FBXO6: variants seen among roughly 807,000 people sequenced by gnomAD.
FBXO6 encodes the protein F-box only protein 6.
Under a neutral mutation model 25.0 loss-of-function variants are expected in FBXO6, and 13 were observed. That is an observed-to-expected ratio of 0.52 (90% CI 0.34 to 0.83). The LOEUF (loss-of-function observed/expected upper bound fraction) is 0.83. Ranked by LOEUF, FBXO6 falls within the 40% of genes least tolerant of loss-of-function variation. The pLI is 0.02. For missense variants in FBXO6, 370 were observed against 380.2 expected (o/e 0.97, Z 0.22); for synonymous variants, 138 against 155.3 (o/e 0.89, Z 0.83).
intron 4 of FBXO6, 60 bp downstream of exon 4, chr1:11,672,083 T>A: frequency 6.9e-7 from 1 of 1,456,646 alleles, no homozygotes; most frequent in Non-Finnish European, 9.6e-7. Context: ...CTGCGCTGCA[T>A]GTACGTGAGA....
rs1640693959 is a variant in FBXO6 at position 11,673,697 on chromosome 1, C to A, written c.728C>A (p.Ala243Glu). The A allele has an allele frequency of 6.2e-7, 1 of 1,614,118 alleles. No individual in the cohort carries two copies. Among genetic ancestry groups the A allele is most frequent in the South Asian group, 1.1e-5 (1 of 91,082 alleles). ...QHGGRDTQYWAGWYGPRVTNS... is the reference protein window; with the variant it reads ...QHGGRDTQYWEGWYGPRVTNS... ...GGGGGCAGGGACACCCAGTACTGGG[C>A]AGGCTGGTATGGGCCCCGAGTCACC... Residue 243 changes from alanine to glutamate, a missense_variant, in exon 6 of 6, where the codon GCA becomes GAA. By Grantham distance (107) the Ala-to-Glu change is moderately radical. Coordinates refer to ENST00000376753, the MANE Select transcript of FBXO6 (RefSeq NM_018438.6). This position sits in a 1 kb window ranked among gnomAD's most constrained non-coding sequence, Gnocchi z 4.3.
chr1:11,665,014 T>C (rs947105521), intron 1 of FBXO6, among the ~76,000 whole-genome samples: 1 of 151,674 alleles, frequency 6.6e-6, no homozygotes. Flanking sequence ...TCGTCTAGAG[T>C]CTAGACAGTG....
Position 11,673,768 on chromosome 1 carries a change from T to G in FBXO6, c.799T>G (p.Ser267Ala). 6 of 1,613,906 alleles carry G rather than the reference T, an allele frequency of 3.7e-6. No homozygotes were observed. Among genetic ancestry groups the G allele is most frequent in the Non-Finnish European group, 4.2e-6 (5 of 1,179,988 alleles). The change falls in exon 6 of 6, where the codon TCC becomes GCC. Residue 267 changes from serine (S) to alanine (A), a missense_variant. Transcript: ENST00000376753. The surrounding 1 kb of genome is among the most constrained non-coding windows in gnomAD (Gnocchi z 4.3). The stretch of plus-strand genomic sequence containing the variant: ...CCCCAAGATGACCAGGAACCAGGCC[T>G]CCTCCGAGGCTCAGCCTGGGCAGAA... ...VSPKMTRNQA[S>A]SEAQPGQKHG... is the part of the protein sequence containing the mutation.
rs1640615451 is a variant in FBXO6, at chr1:11,671,515, C to T, written c.413+123C>T. 5 of 1,369,258 alleles carry T rather than the reference C, an allele frequency of 3.7e-6. No individual in the cohort carries two copies. The South Asian group carries it at 4.1e-5, about 11-fold the overall frequency. 84.8% of individuals were successfully genotyped at this position (1,369,258 alleles called of 1,614,324 possible). A position where few individuals can be genotyped will look rare whatever the true frequency, so the allele number is the denominator to read the frequency against. On this transcript the variant is annotated intron_variant, in intron 3 of 5. Transcript: ENST00000376753. Reference sequence around the variant, plus strand: ...TCTGCGAAGCTCGAGGGAGGTGGCCCCAAAACTTGCCCAGAGTCACTGCTT... The same window carrying T: ...TCTGCGAAGCTCGAGGGAGGTGGCCTCAAAACTTGCCCAGAGTCACTGCTT...
intron 2 of FBXO6, among the ~76,000 whole-genome samples, chr1:11,670,253 C>T (rs1008153282): frequency 5.3e-5 from 8 of 151,016 alleles, no homozygotes; most frequent in Non-Finnish European, 7.4e-5. Context: ...GCCTGGGCAG[C>T]GCCAGTAGAG....
chr1:11,668,429 G>C (rs1425742418), intron 1 of FBXO6, among the ~76,000 whole-genome samples: 1 of 145,212 alleles, frequency 6.9e-6, no homozygotes, highest in South Asian at 2.1e-4. Flanking sequence ...CCAGAGTCTT[G>C]CTTGGTTGCC....
Position 11,673,570 on chromosome 1 carries a change from C to G in FBXO6, c.646-45C>G. The G allele has an allele frequency of 6.3e-7, 1 of 1,590,678 alleles. No individual in the cohort carries two copies. The highest frequency in any genetic ancestry group is 8.6e-7 in the Non-Finnish European group (1 of 1,162,866). On this transcript the variant is annotated intron_variant, in intron 5 of 5. Transcript: ENST00000376753. The surrounding 1 kb of genome is among the most constrained non-coding windows in gnomAD (Gnocchi z 4.3). The stretch of plus-strand genomic sequence containing the variant: ...TTAGAGGACCTGGCTCCTGCCTTCC[C>G]CTCCCCCGTCCCGGTGGTCACTTCC...
At chr1:11,671,512 G>A (rs1339761719) in intron 3 of FBXO6, 120 bp downstream of exon 3, 24 of 1,427,946 alleles carry the variant, frequency 1.7e-5, no homozygotes, top group Non-Finnish European at 2.2e-5. Context: ...GAGGGAGGTG[G>A]CCCCAAAACT....
chr1:11,664,526 T>TG (rs3831950), intron 1 of FBXO6: 79,042 of 135,220 alleles, frequency 0.58, 21,540 homozygotes, highest in African/African-American at 0.7. Context: ...CGGCCAGGGG[T>TG]GGGGGGCGCG....
chr1:11,670,849 TG>T (rs1397909849), intron 2 of FBXO6, among the ~76,000 whole-genome samples: 5 of 152,218 alleles, frequency 3.3e-5, no homozygotes, highest in Non-Finnish European at 7.4e-5. Flanking sequence ...CACCGCAACA[TG>T]GAAGTGAGGA....
chr1:11,671,390 C>T lies in FBXO6; in HGVS notation c.411C>T (p.Tyr137=), dbSNP rs147161380. Residue 137 remains tyrosine, a splice_region_variant and synonymous_variant, in exon 3 of 6, where the codon TAC becomes TAT. Transcript: ENST00000376753. The part of the protein sequence containing the change: ...PKVKKYFVTS[Y]EMCLKSQLVD... The stretch of plus-strand genomic sequence containing the variant: ...TCAAGAAGTATTTTGTCACATCCTA[C>T]GAGTAAGGCAAACTGAACCTACCAG... The T allele has an allele frequency of 2.3e-4, 369 of 1,613,404 alleles. No homozygotes were observed. Among genetic ancestry groups the T allele is most frequent in the Non-Finnish European group, 2.8e-4 (336 of 1,179,510 alleles).
intron 2 of FBXO6, among the ~76,000 whole-genome samples, chr1:11,670,366 A>G (rs1299457288): frequency 2.0e-5 from 3 of 152,010 alleles, no homozygotes; most frequent in African/African-American, 7.2e-5. Context: ...CATGAATGTT[A>G]CCACAGCGCC....
chr1:11,669,663 C>CATGTATATATAT (rs138727441), intron 2 of FBXO6, among the ~76,000 whole-genome samples: 1 of 124,624 alleles, frequency 8.0e-6, no homozygotes, highest in East Asian at 2.3e-4. Context: ...TACATATACA[C>CATGTATATATAT]ATGTATATAT....
At position 11,673,695 on chromosome 1, in the gene FBXO6, G is replaced by A; in HGVS notation, c.726G>A (p.Trp242Ter). The change falls in exon 6 of 6, where the codon TGG (tryptophan) becomes TGA (stop). Residue 242 changes from tryptophan (W) to a stop codon, truncating the protein, a stop_gained. Transcript: ENST00000376753. LOFTEE classifies it low-confidence loss of function (END_TRUNC). The surrounding 1 kb of genome is among the most constrained non-coding windows in gnomAD (Gnocchi z 4.3). ...FQHGGRDTQY[W>*]AGWYGPRVTN... ...ATGGGGGCAGGGACACCCAGTACTG[G>A]GCAGGCTGGTATGGGCCCCGAGTCA... 1.2e-5 allele frequency: 20 copies of A among 1,614,088 alleles called. No individual in the cohort carries two copies. The highest frequency in any genetic ancestry group is 1.6e-5 in the Non-Finnish European group (19 of 1,180,030).
At chr1:11,669,089 G>A in intron 2 of FBXO6, 145 bp downstream of exon 2, 2 of 1,167,858 alleles carry the variant, frequency 1.7e-6, no homozygotes, top group Non-Finnish European at 2.4e-6. Flanking sequence ...CATTCTTCAG[G>A]TCTCAGTTCA....
intron 3 of FBXO6, 59 bp from the exon 4 acceptor site, chr1:11,671,869 G>T: frequency 6.9e-7 from 1 of 1,439,938 alleles, no homozygotes; most frequent in South Asian, 1.2e-5. Context: ...AGGCCTGGGT[G>T]AGGGGGGGGG....
intron 2 of FBXO6, among the ~76,000 whole-genome samples, chr1:11,669,663 C>CATCTATAT (rs1553167066): frequency 8.0e-6 from 1 of 124,624 alleles, no homozygotes; most frequent in Non-Finnish European, 1.6e-5. Context: ...TACATATACA[C>CATCTATAT]ATGTATATAT....
Position 11,673,295 on chromosome 1 carries a change from C to A in FBXO6, c.528C>A (p.Asp176Glu), listed in dbSNP as rs1557675601. The change falls in exon 5 of 6, where the codon GAC (aspartate) becomes GAA (glutamate). Residue 176 changes from aspartate to glutamate, a missense_variant. Transcript: ENST00000376753. The surrounding 1 kb of genome is among the most constrained non-coding windows in gnomAD (Gnocchi z 4.3). The part of the protein sequence containing the change: ...VVKDWFAARA[D>E]CGCTYQLKVQ... ...CCACCAGGTTTGCTGCCAGAGCCGA[C>A]TGTGGCTGCACCTACCAACTCAAAG... is the stretch of plus-strand genomic sequence containing the variant. 6.2e-7 allele frequency: 1 copy of A among 1,613,664 alleles called. No individual in the cohort carries two copies. The highest frequency in any genetic ancestry group is 1.7e-4 in the Middle Eastern group (1 of 6,060).
chr1:11,666,890 G>A (rs1453848610), intron 1 of FBXO6, among the ~76,000 whole-genome samples: 2 of 152,078 alleles, frequency 1.3e-5, no homozygotes, highest in African/African-American at 4.8e-5. Context: ...GCTCACACCT[G>A]TAATCCCAGA....
Sources: gnomAD v4.1 joint callset for allele counts (sites outside exome capture counted in the v4.1 genomes callset) on GRCh38, gnomAD v4.1.1 for gene constraint, Gnocchi (gnomAD v3.1) non-coding constraint, MANE v1.5 for transcripts, NCBI Gene and HGNC (gene_info 2026-07-23, HGNC 2026-07-21) for gene names.